The following BDH2 variants were observed in gnomAD, a reference collection of about 807,000 sequenced individuals.
BDH2 encodes dehydrogenase/reductase SDR family member 6.
Under a neutral mutation model 33.2 loss-of-function variants are expected in BDH2, and 24 were observed. The ratio of observed to expected loss-of-function variants is 0.72; its 90% CI spans 0.52 to 1.02. BDH2 has a LOEUF of 1.02. BDH2 is among the 50% of genes least tolerant of loss of function. The pLI is 0.00. For synonymous variants in BDH2, 81 were observed against 101.6 expected, an observed-to-expected ratio of 0.80 and a Z score of 1.22; for missense variants, 249 against 301.6, an observed-to-expected ratio of 0.83 and a Z score of 1.29.
chr4:103,082,838 A>C, intron 8 of BDH2, 33 bp downstream of exon 8: 1 of 1,561,230 alleles, frequency 6.4e-7, no homozygotes, highest in South Asian at 1.1e-5. Flanking sequence ...TTATTAACAA[A>C]AGGTTTAAAT....
In BDH2 at chr4:103,078,224, A is replaced by G. The variant is rs1376774790; in HGVS notation, c.*1478T>C. Among the ~76,000 whole-genome samples, 1 of 152,212 alleles carries G rather than the reference A, an allele frequency of 6.6e-6. No homozygotes were observed. The highest frequency in any genetic ancestry group is 6.5e-5 in the Admixed American group (1 of 15,280). Reference sequence around the variant, plus strand: ...AAAAACAAAAAACTTTGCCCTGACAATGTTACAGAATTAACATCCATAAAT... The same window carrying G: ...AAAAACAAAAAACTTTGCCCTGACAGTGTTACAGAATTAACATCCATAAAT... On this transcript the variant is annotated 3_prime_UTR_variant, in exon 10 of 10. Coordinates refer to ENST00000296424, the MANE Select transcript of BDH2 (RefSeq NM_020139.4).
chr4:103,079,936 G>A (rs1441334077), intron 9 of BDH2, among the ~76,000 whole-genome samples, 181 bp from the exon 10 acceptor site: 1 of 152,214 alleles, frequency 6.6e-6, no homozygotes, highest in African/African-American at 2.4e-5. Context: ...ACTGCTGAGT[G>A]TCCTGTGATC....
rs1747720098 is a variant in BDH2, at chr4:103,085,246, T to C, written c.532+103A>G. ...CTGTTGCAACTATTATACTAAACTC[T>C]GCCTTTGTAGCATGAAAACAGCCAT... On this transcript the variant is annotated intron_variant, in intron 7 of 9. Transcript: ENST00000296424. 8 of 858,804 alleles carry C rather than the reference T, an allele frequency of 9.3e-6. No individual in the cohort carries two copies. The South Asian group carries it at 1.2e-4, about 13-fold the overall frequency. The allele number at this position is 858,804 out of a possible 1,614,324, so 53.2% of individuals were successfully genotyped here. A position where few individuals can be genotyped will look rare whatever the true frequency, so the allele number is the denominator to read the frequency against.
At position 103,082,941 on chromosome 4, in the gene BDH2, G is replaced by A. The variant is rs79440960; in HGVS notation, c.533-12C>T. ...CGTATCAACTGTTCCTAAATCAAAG[G>A]GGGATATTCAGCTTGGTTACTCACT... On this transcript the variant is annotated splice_polypyrimidine_tract_variant and intron_variant, in intron 7 of 9. Coordinates refer to ENST00000296424, the MANE Select transcript of BDH2 (RefSeq NM_020139.4). The A allele has an allele frequency of 6.2e-7, 1 of 1,609,350 alleles. No individual in the cohort carries two copies. Among genetic ancestry groups the A allele is most frequent in the Non-Finnish European group, 8.5e-7 (1 of 1,175,942 alleles).
intron 1 of BDH2, among the ~76,000 whole-genome samples, 188 bp from the exon 2 acceptor site, chr4:103,096,462 A>G (rs1348520946): frequency 6.6e-6 from 1 of 151,748 alleles, no homozygotes; most frequent in African/African-American, 2.4e-5. Flanking sequence ...TACTCTGCAT[A>G]CCTAGCTTTG....
At chr4:103,091,507 A>G (rs927262497) in intron 4 of BDH2, 1 of 454,820 alleles carries the variant, frequency 2.2e-6, no homozygotes, top group South Asian at 2.3e-5. Flanking sequence ...TTTCCAAACA[A>G]AAGTATGGTC....
chr4:103,082,796 A>AATTTG (rs1747586659), intron 8 of BDH2, 75 bp downstream of exon 8: 1 of 1,294,002 alleles, frequency 7.7e-7, no homozygotes, highest in Admixed American at 1.7e-5. Context: ...TGTCTCTATG[A>AATTTG]ATTTGTCTGC....
intron 3 of BDH2, 64 bp from the exon 4 acceptor site, chr4:103,092,760 G>A: frequency 9.3e-7 from 1 of 1,073,192 alleles, no homozygotes. Flanking sequence ...TAGCTGTTTT[G>A]AAGTGTGAAG....
intron 1 of BDH2, among the ~76,000 whole-genome samples, chr4:103,097,275 T>G (rs187883378): frequency 6.6e-6 from 1 of 152,226 alleles, no homozygotes; most frequent in Non-Finnish European, 1.5e-5. Flanking sequence ...GATCCTCTTA[T>G]AAAGTTTAAG....
At chr4:103,095,406 T>C in intron 2 of BDH2, 125 bp from the exon 3 acceptor site, 1 of 682,878 alleles carries the variant, frequency 1.5e-6, no homozygotes, top group Non-Finnish European at 2.5e-6. Context: ...ATAAGATAGC[T>C]AGAATTTTAA....
At chr4:103,085,956 T>C in intron 6 of BDH2, 2 of 1,169,624 alleles carry the variant, frequency 1.7e-6, no homozygotes, top group Non-Finnish European at 2.1e-6. Flanking sequence ...TGTACTGCTG[T>C]CCTTGTCCTT....
At chr4:103,096,976 T>G (rs1748440831) in intron 1 of BDH2, among the ~76,000 whole-genome samples, 1 of 152,232 alleles carries the variant, frequency 6.6e-6, no homozygotes, top group Non-Finnish European at 1.5e-5. Flanking sequence ...ATTTGTGTCC[T>G]TACTACTCAG....
intron 1 of BDH2, chr4:103,099,187 C>T (rs566202904): frequency 2.6e-4 from 39 of 152,220 alleles, no homozygotes; most frequent in African/African-American, 9.1e-4. Flanking sequence ...AGCCTCCAGT[C>T]AAAGGTTTTG....
At chr4:103,085,279 A>T in intron 7 of BDH2, 70 bp downstream of exon 7, 1 of 1,238,998 alleles carries the variant, frequency 8.1e-7, no homozygotes, top group Non-Finnish European at 1.2e-6. Flanking sequence ...CATAGGCAAT[A>T]ACATAAGCAA....
chr4:103,095,183 C>G lies in BDH2; in HGVS notation c.151+20G>C. The G allele has an allele frequency of 1.2e-6, 2 of 1,606,168 alleles. No homozygotes were observed. The highest frequency in any genetic ancestry group is 1.7e-6 in the Non-Finnish European group (2 of 1,173,180). ...CCTTGCAGACACTGAATCCCAAATTCAAGCTGCTGAGTTGCTTACCCGGGT... is the reference window on the plus strand; with the variant it reads ...CCTTGCAGACACTGAATCCCAAATTGAAGCTGCTGAGTTGCTTACCCGGGT... On this transcript the variant is annotated intron_variant, in intron 3 of 9. Transcript: ENST00000296424.
In BDH2 at chr4:103,096,355, T is replaced by A. The variant is rs752725902; in HGVS notation, c.-20-81A>T. On this transcript the variant is annotated intron_variant, in intron 1 of 9. Coordinates refer to ENST00000296424, the MANE Select transcript of BDH2 (RefSeq NM_020139.4). ...GTAACATCTAGAATGAATAGTTCAG[T>A]GTGCTCTTTTAAGAATAATTTAGTG... 3.3e-4 allele frequency: 280 copies of A among 855,918 alleles called. 1 individual carries two copies. Among genetic ancestry groups the A allele is most frequent in the Non-Finnish European group, 4.8e-4 (258 of 542,062 alleles). The allele number at this position is 855,918 out of a possible 1,614,324, so 53.0% of individuals were successfully genotyped here. A position where few individuals can be genotyped will look rare whatever the true frequency, so the allele number is the denominator to read the frequency against.
intron 8 of BDH2, 60 bp downstream of exon 8, chr4:103,082,811 G>C: frequency 7.1e-7 from 1 of 1,400,094 alleles, no homozygotes; most frequent in Non-Finnish European, 1.0e-6. Flanking sequence ...GTCTGCTATA[G>C]GTATGGAAGA....
intron 3 of BDH2, among the ~76,000 whole-genome samples, chr4:103,093,577 A>C (rs1748213146): frequency 6.8e-6 from 1 of 148,096 alleles, no homozygotes; most frequent in Non-Finnish European, 1.5e-5. Flanking sequence ...ACATATAGTA[A>C]TATAATTTAT....
At chr4:103,087,370 G>T (rs1216902042) in intron 5 of BDH2, among the ~76,000 whole-genome samples, 1 of 152,192 alleles carries the variant, frequency 6.6e-6, no homozygotes, top group Non-Finnish European at 1.5e-5. Flanking sequence ...GGGATTGCAA[G>T]GATTACTGTG....
Sources: gnomAD v4.1 joint callset for allele counts (sites outside exome capture counted in the v4.1 genomes callset) on GRCh38, gnomAD v4.1.1 for gene constraint, MANE v1.5 for transcripts, NCBI Gene and HGNC (gene_info 2026-07-23, HGNC 2026-07-21) for gene names.